The following GNG2 variants were observed in gnomAD, a reference collection of about 807,000 sequenced individuals.
GNG2 encodes the protein G protein subunit gamma 2.
In GNG2, 5 loss-of-function variants were observed where a neutral mutation model predicts 5.5. The ratio of observed to expected loss-of-function variants is 0.91; its 90% CI spans 0.48 to 1.92. GNG2 has a LOEUF of 1.92. Among genes scored for constraint, GNG2 ranks in the 30% most tolerant of loss-of-function variants. GNG2 has a pLI of 0.01. For synonymous variants in GNG2, 28 were observed against 32.0 expected (o/e 0.88, Z 0.42); for missense variants, 55 against 88.4 (o/e 0.62, Z 1.52).
intron 2 of GNG2, among the ~76,000 whole-genome samples, chr14:51,849,176 C>A (rs1881791335): frequency 6.6e-6 from 1 of 152,186 alleles, no homozygotes; most frequent in South Asian, 2.1e-4. Context: ...GCTTACATGG[C>A]TGGCAAGTTG....
chr14:51,916,248 A>C (rs978868399), intron 2 of GNG2: 4 of 262,660 alleles, frequency 1.5e-5, no homozygotes, highest in Non-Finnish European at 3.0e-5. Flanking sequence ...TTAGACAGAG[A>C]GCCATATTTT....
intron 2 of GNG2, among the ~76,000 whole-genome samples, chr14:51,918,989 C>G (rs1285233085): frequency 6.6e-6 from 1 of 152,066 alleles, no homozygotes; most frequent in Non-Finnish European, 1.5e-5. Context: ...CCACGCCAGG[C>G]TAATTTTGTA....
rs574514522 is a variant in GNG2 at position 51,952,934 on chromosome 14, C to T, written c.87+2169C>T. On this transcript the variant is annotated intron_variant, in intron 3 of 3. Transcript: ENST00000556766. ...TCACCAGTAAAATAAAATTCAGGCC[C>T]TTTAGCAGTGTATACAAAGTTCCTG... Among the ~76,000 whole-genome samples the T allele has an allele frequency of 2.6e-5, 4 of 152,294 alleles. No individual in the cohort carries two copies. The East Asian group carries it at 7.7e-4, about 29-fold the overall frequency.
At chr14:51,954,191 G>C (rs4898727) in intron 3 of GNG2, among the ~76,000 whole-genome samples, 47,889 of 151,988 alleles carry the variant, frequency 0.32, 8,469 homozygotes, top group Non-Finnish European at 0.39. Flanking sequence ...GGAGATTTGG[G>C]CTAAGTGAAC....
chr14:51,899,213 C>T (rs1194343980), intron 2 of GNG2, among the ~76,000 whole-genome samples: 1 of 152,196 alleles, frequency 6.6e-6, no homozygotes, highest in African/African-American at 2.4e-5. Context: ...CTCTCCCTGC[C>T]TGTTTCAGCC....
chr14:51,895,892 T>C (rs1243151593), intron 2 of GNG2, among the ~76,000 whole-genome samples: 1 of 152,220 alleles, frequency 6.6e-6, no homozygotes, highest in Non-Finnish European at 1.5e-5. Context: ...GCACATGCTC[T>C]CTTTGCCTGC....
At chr14:51,933,497 G>T (rs966231866) in intron 2 of GNG2, among the ~76,000 whole-genome samples, 2 of 152,166 alleles carry the variant, frequency 1.3e-5, no homozygotes, top group Non-Finnish European at 2.9e-5. Context: ...TTTTATTTTT[G>T]TTGTTGTTGC....
At chr14:51,939,034 G>C (rs866375889) in intron 2 of GNG2, among the ~76,000 whole-genome samples, 1 of 152,144 alleles carries the variant, frequency 6.6e-6, no homozygotes. Flanking sequence ...GGTTAAGAGA[G>C]CTATTTTTAT....
intron 2 of GNG2, among the ~76,000 whole-genome samples, chr14:51,841,245 G>A (rs1338197030): frequency 6.6e-6 from 1 of 151,758 alleles, no homozygotes; most frequent in Non-Finnish European, 1.5e-5. Context: ...GTTCCCAAAT[G>A]TTACTCTGTG....
chr14:51,883,121 CA>C (rs1299429754), intron 2 of GNG2, among the ~76,000 whole-genome samples: 1 of 151,634 alleles, frequency 6.6e-6, no homozygotes, highest in Non-Finnish European at 1.5e-5. Flanking sequence ...TTTTTATTAA[CA>C]GTCTCCTTAA....
chr14:51,911,829 G>T lies in GNG2; in HGVS notation c.-30+34172G>T, dbSNP rs138399817. The stretch of plus-strand genomic sequence containing the variant: ...CTCCCAAAGCACTGGGATTACAGGC[G>T]TGAGCCACCATGCCCATCCTGATAG... On this transcript the variant is annotated intron_variant, in intron 2 of 3. Coordinates refer to ENST00000556766, the MANE Select transcript of GNG2 (RefSeq NM_053064.5). 4.8e-4 allele frequency among the ~76,000 whole-genome samples: 70 copies of T among 146,898 alleles called. 3 individuals are homozygous for T. Among genetic ancestry groups the T allele is most frequent in the Non-Finnish European group, 8.5e-4 (57 of 67,420 alleles).
At chr14:51,829,916 C>G (rs1165911063) in intron 2 of GNG2, among the ~76,000 whole-genome samples, 3 of 151,334 alleles carry the variant, frequency 2.0e-5, no homozygotes, top group Non-Finnish European at 2.9e-5. Context: ...GATCTCAGCT[C>G]CCTGCAACTT....
intron 2 of GNG2, among the ~76,000 whole-genome samples, chr14:51,916,671 C>A (rs537851103): frequency 1.4e-4 from 22 of 152,240 alleles, no homozygotes; most frequent in African/African-American, 5.3e-4. Flanking sequence ...TGTGGTGGAG[C>A]AGTGCCAGGC....
chr14:51,955,758 A>G (rs1187136306), intron 3 of GNG2, among the ~76,000 whole-genome samples: 1 of 152,280 alleles, frequency 6.6e-6, no homozygotes, highest in African/African-American at 2.4e-5. Context: ...ATATCATTGT[A>G]TGATCATAAA....
intron 2 of GNG2, among the ~76,000 whole-genome samples, chr14:51,886,595 G>T (rs1470408090): frequency 6.6e-6 from 1 of 152,172 alleles, no homozygotes; most frequent in Non-Finnish European, 1.5e-5. Context: ...CTGCAAGGGA[G>T]AATGCAGTTT....
intron 2 of GNG2, among the ~76,000 whole-genome samples, chr14:51,910,486 G>A (rs1043207394): frequency 1.3e-5 from 2 of 152,318 alleles, no homozygotes; most frequent in Non-Finnish European, 2.9e-5. Flanking sequence ...AGCCCAGGAT[G>A]GAAGGAAGGG....
At position 51,931,193 on chromosome 14, in the gene GNG2, G is replaced by T. The variant is rs543613601; in HGVS notation, c.-29-19457G>T. 4.6e-5 allele frequency among the ~76,000 whole-genome samples: 7 copies of T among 152,270 alleles called. No homozygotes were observed. In the South Asian group the frequency reaches 1.5e-3, roughly 32 times the overall value. ...TGATAGCAGTAGAACGAGGATAAGGGGTTGGATTCTGATTATATTTTGAAG... is the reference window on the plus strand; with the variant it reads ...TGATAGCAGTAGAACGAGGATAAGGTGTTGGATTCTGATTATATTTTGAAG... On this transcript the variant is annotated intron_variant, in intron 2 of 3. Coordinates refer to ENST00000556766, the MANE Select transcript of GNG2 (RefSeq NM_053064.5).
At chr14:51,953,114 A>G (rs996474387) in intron 3 of GNG2, among the ~76,000 whole-genome samples, 1 of 152,150 alleles carries the variant, frequency 6.6e-6, no homozygotes, top group African/African-American at 2.4e-5. Flanking sequence ...ACTTTACTTA[A>G]CACTTGACTG....
rs1291220971 is a variant in GNG2 at position 51,968,985 on chromosome 14, C to A, written c.*2298C>A. On this transcript the variant is annotated 3_prime_UTR_variant, in exon 4 of 4. Transcript: ENST00000556766. The stretch of plus-strand genomic sequence containing the variant: ...GGCTTTTTCATAATTTTATGTCTTA[C>A]AGTATGGAATTATAATACGAAAATC... The A allele has an allele frequency of 6.6e-6, 1 of 152,132 alleles. No homozygotes were observed. The highest frequency in any genetic ancestry group is 2.4e-5 in the African/African-American group (1 of 41,428). The allele number at this position is 152,132 out of a possible 1,614,324, so 9.4% of individuals were successfully genotyped here. A position where few individuals can be genotyped will look rare whatever the true frequency, so the allele number is the denominator to read the frequency against.
Sources: gnomAD v4.1 joint callset for allele counts (sites outside exome capture counted in the v4.1 genomes callset) on GRCh38, gnomAD v4.1.1 for gene constraint, MANE v1.5 for transcripts, NCBI Gene and HGNC (gene_info 2026-07-23, HGNC 2026-07-21) for gene names.